The following ROBO2 variants were observed in gnomAD, a reference collection of about 807,000 sequenced individuals.
ROBO2 encodes the protein roundabout homolog 2.
ROBO2 carries 53 observed loss-of-function variants against 160.8 expected under a neutral mutation model. The observed-to-expected ratio is 0.33, with a 90% CI of 0.26 to 0.41. The LOEUF is 0.41. Ranked by LOEUF, ROBO2 falls within the 10% of genes least tolerant of loss-of-function variation. The probability of loss-of-function intolerance (pLI) is 1.00; values close to 1 mark genes in which losing one functional copy is unlikely to be tolerated. For missense variants in ROBO2, 1,577 were observed against 1,722.4 expected, an observed-to-expected ratio of 0.92 and a Z score of 1.49; for synonymous variants, 664 against 611.7, an observed-to-expected ratio of 1.09 and a Z score of -1.26.
intron 2 of ROBO2, among the ~76,000 whole-genome samples, chr3:75,956,302 G>A (rs1006862200): frequency 1.3e-5 from 2 of 151,628 alleles, no homozygotes; most frequent in Non-Finnish European, 3.0e-5. Flanking sequence ...TAGCTATATT[G>A]CTGGGATCTG....
chr3:76,759,963 A>G (rs2061209410), intron 2 of ROBO2, among the ~76,000 whole-genome samples: 1 of 151,784 alleles, frequency 6.6e-6, no homozygotes, highest in Non-Finnish European at 1.5e-5. Context: ...TGGGACTCAG[A>G]ATTCTCATCC....
At chr3:76,537,400 A>G (rs2082566706) in intron 2 of ROBO2, among the ~76,000 whole-genome samples, 1 of 151,978 alleles carries the variant, frequency 6.6e-6, no homozygotes, top group Non-Finnish European at 1.5e-5. Flanking sequence ...GAAAAATAAG[A>G]CGTTTGGGTT....
intron 2 of ROBO2, among the ~76,000 whole-genome samples, chr3:77,151,379 C>A (rs756492673): frequency 6.6e-6 from 1 of 152,076 alleles, no homozygotes; most frequent in Non-Finnish European, 1.5e-5. Context: ...AAATAGGAAT[C>A]CCTTACTTAA....
intron 2 of ROBO2, among the ~76,000 whole-genome samples, chr3:76,404,567 A>G (rs796282647): frequency 7.9e-5 from 12 of 151,610 alleles, no homozygotes; most frequent in African/African-American, 2.9e-4. Context: ...GTAGTTTAAT[A>G]AGGGTGAACT....
chr3:76,175,157 C>T (rs1229638740), intron 2 of ROBO2, among the ~76,000 whole-genome samples: 2 of 151,964 alleles, frequency 1.3e-5, no homozygotes, highest in African/African-American at 4.8e-5. Context: ...ATATGGCTCT[C>T]TGCTTGTCTA....
chr3:76,288,029 T>C (rs956824183), intron 2 of ROBO2, among the ~76,000 whole-genome samples: 3 of 152,216 alleles, frequency 2.0e-5, no homozygotes, highest in Non-Finnish European at 2.9e-5. Context: ...CTACTGAAAA[T>C]AATTTTTATT....
intron 2 of ROBO2, among the ~76,000 whole-genome samples, chr3:76,632,733 CA>C: frequency 6.6e-6 from 1 of 152,174 alleles, no homozygotes; most frequent in South Asian, 2.1e-4. Flanking sequence ...ATTTCAAAAA[CA>C]TAAGTAATAT....
chr3:75,987,212 C>T (rs963288492), intron 2 of ROBO2, among the ~76,000 whole-genome samples: 4 of 151,760 alleles, frequency 2.6e-5, no homozygotes, highest in African/African-American at 9.7e-5. Flanking sequence ...AATATCTTTC[C>T]GTTTATTAAT....
chr3:76,147,984 G>A (rs570327108), intron 2 of ROBO2, among the ~76,000 whole-genome samples: 23 of 151,964 alleles, frequency 1.5e-4, no homozygotes, highest in African/African-American at 5.5e-4. Flanking sequence ...TGTTATCTAG[G>A]GTCTACAGGA....
intron 5 of ROBO2, among the ~76,000 whole-genome samples, chr3:77,503,291 C>A (rs917104514): frequency 1.3e-5 from 2 of 151,136 alleles, no homozygotes; most frequent in Non-Finnish European, 2.9e-5. Context: ...TTTGGGAAGC[C>A]GAGGCGGGCA....
At chr3:77,260,902 G>A (rs537723682) in intron 2 of ROBO2, among the ~76,000 whole-genome samples, 1 of 152,272 alleles carries the variant, frequency 6.6e-6, no homozygotes, top group Admixed American at 6.5e-5. Flanking sequence ...AGGCTGTGGA[G>A]CAGGACTGCA....
chr3:77,558,384 A>G (rs993768358), intron 9 of ROBO2, among the ~76,000 whole-genome samples: 5 of 152,154 alleles, frequency 3.3e-5, no homozygotes, highest in African/African-American at 7.2e-5. Context: ...CCTGTATCCC[A>G]TTCCATATGT....
intron 2 of ROBO2, among the ~76,000 whole-genome samples, chr3:77,349,169 GA>G (rs2068022278): frequency 1.3e-5 from 2 of 152,028 alleles, no homozygotes; most frequent in African/African-American, 4.8e-5. Context: ...ATAATACTGA[GA>G]AAAAAAGAAT....
intron 2 of ROBO2, among the ~76,000 whole-genome samples, chr3:76,992,368 T>A (rs923396324): frequency 1.8e-4 from 7 of 38,264 alleles, no homozygotes; most frequent in South Asian, 8.7e-4. Flanking sequence ...TATATATATA[T>A]AAATTTAGCT....
intron 23 of ROBO2, chr3:77,632,572 G>A: frequency 6.5e-7 from 1 of 1,535,730 alleles, no homozygotes; most frequent in Non-Finnish European, 8.7e-7. Context: ...CTCTATCTTT[G>A]CCAGCGGCAG....
chr3:76,156,810 T>A (rs968958875), intron 2 of ROBO2, among the ~76,000 whole-genome samples: 5 of 152,062 alleles, frequency 3.3e-5, no homozygotes, highest in Non-Finnish European at 7.4e-5. Context: ...CTACTAAAAA[T>A]ACAAAAACAT....
intron 2 of ROBO2, among the ~76,000 whole-genome samples, chr3:76,416,831 T>C (rs2075777018): frequency 6.6e-6 from 1 of 152,186 alleles, no homozygotes; most frequent in South Asian, 2.1e-4. Flanking sequence ...GGGAATCTCT[T>C]CTTCGTGATA....
chr3:76,299,278 C>A (rs868709805), intron 2 of ROBO2, among the ~76,000 whole-genome samples: 1 of 152,124 alleles, frequency 6.6e-6, no homozygotes, highest in African/African-American at 2.4e-5. Flanking sequence ...GGATAGGAAG[C>A]GTGGGGCTTC....
At chr3:76,520,328 G>A (rs752693086) in intron 2 of ROBO2, among the ~76,000 whole-genome samples, 1 of 152,182 alleles carries the variant, frequency 6.6e-6, no homozygotes, top group Non-Finnish European at 1.5e-5. Flanking sequence ...GCAGGCACAT[G>A]TAATCCCAGT....
Sources: gnomAD v4.1 joint callset for allele counts (sites outside exome capture counted in the v4.1 genomes callset) on GRCh38, gnomAD v4.1.1 for gene constraint, MANE v1.5 for transcripts, NCBI Gene and HGNC (gene_info 2026-07-23, HGNC 2026-07-21) for gene names.